PRKCA: variants seen among roughly 807,000 people sequenced by gnomAD.
PRKCA encodes the protein protein kinase C alpha, also known as protein kinase C alpha type.
In PRKCA, 27 loss-of-function variants were observed where a neutral mutation model predicts 87.0. The ratio of observed to expected loss-of-function variants is 0.31; its 90% CI spans 0.23 to 0.43. PRKCA has a LOEUF of 0.43. Among genes scored for constraint, PRKCA ranks in the 20% least tolerant of loss-of-function variants. The pLI, the probability that PRKCA is intolerant of heterozygous loss-of-function variation, is 1.00. For synonymous variants in PRKCA, 329 were observed against 311.1 expected, an observed-to-expected ratio of 1.06 and a Z score of -0.61; for missense variants, 518 against 852.3, an observed-to-expected ratio of 0.61 and a Z score of 4.88.
intron 2 of PRKCA, among the ~76,000 whole-genome samples, chr17:66,322,640 T>TG (rs931792056): frequency 6.2e-5 from 3 of 48,748 alleles, no homozygotes; most frequent in African/African-American, 4.3e-4. Context: ...TTTTTAATTG[T>TG]TTTTTTTTTT....
At chr17:66,765,454 A>ATCTCCATATATATC (rs1974789974) in intron 13 of PRKCA, among the ~76,000 whole-genome samples, 1 of 130,090 alleles carries the variant, frequency 7.7e-6, no homozygotes, top group African/African-American at 2.9e-5. Context: ...ATATATATAT[A>ATCTCCATATATATC]TCCATATATA....
chr17:66,393,209 T>C (rs1370485283), intron 2 of PRKCA, among the ~76,000 whole-genome samples: 1 of 151,960 alleles, frequency 6.6e-6, no homozygotes, highest in African/African-American at 2.4e-5. Context: ...CCCTTTGGAG[T>C]CTAGTAAGGT....
chr17:66,587,865 A>ATGTGTGTG (rs763898815), intron 3 of PRKCA, among the ~76,000 whole-genome samples: 1 of 56,516 alleles, frequency 1.8e-5, no homozygotes, highest in South Asian at 7.8e-4. Context: ...ATATATACAT[A>ATGTGTGTG]TGTATGTGTG....
intron 14 of PRKCA, among the ~76,000 whole-genome samples, chr17:66,777,014 G>A (rs1975069811): frequency 6.6e-6 from 1 of 152,160 alleles, no homozygotes; most frequent in Non-Finnish European, 1.5e-5. Context: ...AATCTTATTG[G>A]GAAGCTGCTG....
rs563084579 is a variant in PRKCA, at chr17:66,420,481, C to T, written c.206-75720C>T. Among the ~76,000 whole-genome samples, 13 of 152,196 alleles carry T rather than the reference C, an allele frequency of 8.5e-5. No homozygotes were observed. The South Asian group carries it at 1.0e-3, about 12-fold the overall frequency. ...AGAAATTGTACTTCAAGTACCTGTA[C>T]GACCATTCTGTTTTTCATTTTTCAG... On this transcript the variant is annotated intron_variant, in intron 2 of 16. Transcript: ENST00000413366.
chr17:66,654,528 A>G (rs1009461949), intron 5 of PRKCA, among the ~76,000 whole-genome samples: 13 of 152,162 alleles, frequency 8.5e-5, no homozygotes, highest in African/African-American at 2.9e-4. Context: ...TGCCCTTCCC[A>G]CTATTGTAAG....
intron 5 of PRKCA, among the ~76,000 whole-genome samples, chr17:66,671,621 G>A (rs375758256): frequency 7.2e-5 from 11 of 152,132 alleles, no homozygotes; most frequent in African/African-American, 1.7e-4. Context: ...AGACCTACAC[G>A]TAAAGTAAAA....
At chr17:66,783,585 A>G (rs1276091332) in intron 14 of PRKCA, among the ~76,000 whole-genome samples, 1 of 152,232 alleles carries the variant, frequency 6.6e-6, no homozygotes, top group Non-Finnish European at 1.5e-5. Flanking sequence ...ACAATTAAGT[A>G]GGTGTGGTAG....
intron 2 of PRKCA, among the ~76,000 whole-genome samples, chr17:66,333,625 G>C (rs188558910): frequency 6.6e-6 from 1 of 152,222 alleles, no homozygotes; most frequent in East Asian, 1.9e-4. Flanking sequence ...CTTGTGAAGG[G>C]GTCTGGGCTA....
chr17:66,775,117 G>A, intron 14 of PRKCA: 5 of 985,336 alleles, frequency 5.1e-6, no homozygotes, highest in Non-Finnish European at 4.8e-6. Context: ...GACCCTACAA[G>A]ATGGTGGTGC....
At chr17:66,374,738 T>TC in intron 2 of PRKCA, among the ~76,000 whole-genome samples, 1 of 149,470 alleles carries the variant, frequency 6.7e-6, no homozygotes, top group East Asian at 2.0e-4. Context: ...TTTTTTTTTT[T>TC]TCTTTCTGAG....
intron 11 of PRKCA, among the ~76,000 whole-genome samples, chr17:66,740,073 G>A (rs1974124139): frequency 6.6e-6 from 1 of 152,184 alleles, no homozygotes; most frequent in South Asian, 2.1e-4. Context: ...TGACTATGGA[G>A]GAGAGAAGAG....
intron 2 of PRKCA, among the ~76,000 whole-genome samples, chr17:66,318,994 G>C (rs533443325): frequency 1.3e-5 from 2 of 152,152 alleles, no homozygotes; most frequent in Admixed American, 1.3e-4. Flanking sequence ...ACAAAATTAG[G>C]CTAATTTTTA....
intron 2 of PRKCA, among the ~76,000 whole-genome samples, chr17:66,396,616 T>A (rs1359903571): frequency 6.9e-6 from 1 of 145,148 alleles, no homozygotes; most frequent in African/African-American, 2.5e-5. Context: ...GAATGTTCTG[T>A]CATTCATTCT....
intron 2 of PRKCA, among the ~76,000 whole-genome samples, chr17:66,448,996 AAAAGGT>A (rs1914176082): frequency 6.6e-6 from 1 of 151,256 alleles, no homozygotes; most frequent in South Asian, 2.1e-4. Context: ...AAAAAAAAAA[AAAAGGT>A]GGCCAGGTGA....
chr17:66,555,728 A>G (rs949084082), intron 3 of PRKCA, among the ~76,000 whole-genome samples: 1 of 143,882 alleles, frequency 7.0e-6, no homozygotes, highest in Non-Finnish European at 1.5e-5. Flanking sequence ...GTTTAAAAAA[A>G]AATTTTTTTT....
At chr17:66,389,385 C>T (rs145857267) in intron 2 of PRKCA, among the ~76,000 whole-genome samples, 2 of 152,202 alleles carry the variant, frequency 1.3e-5, no homozygotes, top group African/African-American at 4.8e-5. Flanking sequence ...TCAGGCTGAC[C>T]GCAGCTAGAC....
At chr17:66,464,359 A>G (rs1237522697) in intron 2 of PRKCA, among the ~76,000 whole-genome samples, 2 of 152,206 alleles carry the variant, frequency 1.3e-5, no homozygotes, top group African/African-American at 2.4e-5. Flanking sequence ...GTTTTCATAC[A>G]TTTTAAACTC....
chr17:66,436,187 GGATGGCATT>G (rs1567827571), intron 2 of PRKCA, among the ~76,000 whole-genome samples: 1 of 152,144 alleles, frequency 6.6e-6, no homozygotes, highest in Non-Finnish European at 1.5e-5. Context: ...TCAAGAGGTT[GGATGGCATT>G]GATGTTGAAT....
Sources: gnomAD v4.1 joint callset for allele counts (sites outside exome capture counted in the v4.1 genomes callset) on GRCh38, gnomAD v4.1.1 for gene constraint, MANE v1.5 for transcripts, NCBI Gene and HGNC (gene_info 2026-07-23, HGNC 2026-07-21) for gene names.